Variants in LCORL observed in about 807,000 individuals in gnomAD.
LCORL encodes ligand-dependent nuclear receptor corepressor-like protein.
In LCORL, 41 loss-of-function variants were observed where a neutral mutation model predicts 141.8. That is an observed-to-expected ratio of 0.29 (90% CI 0.23 to 0.38). LCORL has a LOEUF of 0.38. Ranked by LOEUF, LCORL falls within the 10% of genes least tolerant of loss-of-function variation. LCORL has a pLI of 1.00. For synonymous variants in LCORL, 618 were observed against 694.1 expected (o/e 0.89, Z 1.72); for missense variants, 1,759 against 2,035.0 (o/e 0.86, Z 2.61).
chr4:17,896,636 G>A (rs1729968975), intron 5 of LCORL, among the ~76,000 whole-genome samples: 1 of 152,108 alleles, frequency 6.6e-6, no homozygotes, highest in Non-Finnish European at 1.5e-5. Flanking sequence ...GGGTACATGA[G>A]ACATTCTGAC....
chr4:17,973,847 A>G (rs554850374), intron 1 of LCORL, among the ~76,000 whole-genome samples: 3 of 152,172 alleles, frequency 2.0e-5, no homozygotes, highest in African/African-American at 7.2e-5. Flanking sequence ...CTGTCATAGT[A>G]AAAAACTAGC....
chr4:17,961,835 G>C, intron 4 of LCORL, 68 bp downstream of exon 4: 1 of 1,405,794 alleles, frequency 7.1e-7, no homozygotes, highest in Non-Finnish European at 9.7e-7. Flanking sequence ...AAAAACTTTT[G>C]TGTAAAAAAA....
Position 17,880,736 on chromosome 4 carries a change from T to C in LCORL, c.777-2523A>G, listed in dbSNP as rs1560282658. On this transcript the variant is annotated intron_variant, in intron 6 of 7. Coordinates refer to ENST00000635767, the Ensembl canonical transcript of LCORL. ...ACCTAGAAACACGTTAACTGAACAA[T>C]TAAAATTCATACAATCAGATTTAGA... is the stretch of plus-strand genomic sequence containing the variant. 12 of 968,804 alleles carry C rather than the reference T, an allele frequency of 1.2e-5. No homozygotes were observed. The South Asian group carries it at 4.8e-4, about 39-fold the overall frequency. 60.0% of individuals were successfully genotyped at this position (968,804 alleles called of 1,614,324 possible).
chr4:17,933,468 TAA>T (rs1190849838), intron 4 of LCORL, among the ~76,000 whole-genome samples: 5 of 152,094 alleles, frequency 3.3e-5, no homozygotes, highest in African/African-American at 7.2e-5. Context: ...CCTTTGAAAT[TAA>T]GTCTTTATTT....
chr4:17,884,746 T>G lies in LCORL; in HGVS notation c.776+1322A>C. 1 of 1,461,140 alleles carries G rather than the reference T, an allele frequency of 6.8e-7. No individual in the cohort carries two copies. Among genetic ancestry groups the G allele is most frequent in the Non-Finnish European group, 9.1e-7 (1 of 1,104,124 alleles). The allele number at this position is 1,461,140 out of a possible 1,614,324, so 90.5% of individuals were successfully genotyped here. A position where few individuals can be genotyped will look rare whatever the true frequency, so the allele number is the denominator to read the frequency against. Reference sequence around the variant, plus strand: ...CCACATAGTCCTCTCTGTTTCTGTGTAGTCTCCTGGATGGATGGAATGAAA... The same window carrying G: ...CCACATAGTCCTCTCTGTTTCTGTGGAGTCTCCTGGATGGATGGAATGAAA... On this transcript the variant is annotated intron_variant, in intron 6 of 7. Coordinates refer to ENST00000635767, the Ensembl canonical transcript of LCORL. This position sits in a 1 kb window ranked among gnomAD's most constrained non-coding sequence, Gnocchi z 4.4.
chr4:17,910,340 G>A (rs1732326831), intron 4 of LCORL, among the ~76,000 whole-genome samples: 1 of 152,122 alleles, frequency 6.6e-6, no homozygotes, highest in African/African-American at 2.4e-5. Context: ...TTAGATGTAA[G>A]GTGATTGGTA....
chr4:17,924,505 G>T (rs1734805920), intron 4 of LCORL, among the ~76,000 whole-genome samples: 1 of 152,158 alleles, frequency 6.6e-6, no homozygotes, highest in African/African-American at 2.4e-5. Context: ...CCAGCTACTT[G>T]GTGGAAGGTT....
intron 1 of LCORL, among the ~76,000 whole-genome samples, chr4:18,015,444 T>C (rs1724486201): frequency 6.6e-6 from 1 of 152,178 alleles, no homozygotes; most frequent in South Asian, 2.1e-4. Context: ...CTTCAAAATT[T>C]GCATGCAAAA....
At chr4:17,865,947 T>C (rs756707997) in intron 7 of LCORL, among the ~76,000 whole-genome samples, 10 of 152,206 alleles carry the variant, frequency 6.6e-5, no homozygotes, top group Admixed American at 6.5e-5. Flanking sequence ...GATTATGTCA[T>C]ATCTTCCCTG....
chr4:17,893,437 A>G (rs1157147219), intron 5 of LCORL: 1 of 984,872 alleles, frequency 1.0e-6, no homozygotes, highest in Non-Finnish European at 1.2e-6. Flanking sequence ...TGTCAAAAAT[A>G]TAAATTATGC....
At chr4:17,916,107 A>G (rs1436225285) in intron 4 of LCORL, among the ~76,000 whole-genome samples, 1 of 152,204 alleles carries the variant, frequency 6.6e-6, no homozygotes, top group Non-Finnish European at 1.5e-5. Context: ...GAAACTCACC[A>G]GATGATGGCA....
intron 5 of LCORL, among the ~76,000 whole-genome samples, chr4:17,895,180 T>G (rs1258208253): frequency 6.6e-6 from 1 of 152,092 alleles, no homozygotes; most frequent in Non-Finnish European, 1.5e-5. Flanking sequence ...GGTGACAACA[T>G]TCAAAATATT....
intron 4 of LCORL, among the ~76,000 whole-genome samples, chr4:17,949,101 T>C (rs1240152600): frequency 6.6e-6 from 1 of 152,024 alleles, no homozygotes. Flanking sequence ...AGGTAGAGAG[T>C]ACCATCATAA....
intron 6 of LCORL, chr4:17,881,977 G>A: frequency 4.1e-6 from 4 of 971,450 alleles, no homozygotes; most frequent in Non-Finnish European, 4.9e-6. Flanking sequence ...ATTTTCTTGG[G>A]GTGAAAAAAA....
At chr4:17,883,122 A>T (rs1727794880) in intron 6 of LCORL, 1 of 977,202 alleles carries the variant, frequency 1.0e-6, no homozygotes, top group Non-Finnish European at 1.2e-6. Flanking sequence ...CATATCCTTT[A>T]AGGTTTTCTT....
chr4:17,995,486 A>G (rs1180485061), intron 1 of LCORL, among the ~76,000 whole-genome samples: 1 of 152,216 alleles, frequency 6.6e-6, no homozygotes, highest in Non-Finnish European at 1.5e-5. Context: ...ACTCAGCATT[A>G]AAGAAACCGG....
At chr4:17,861,146 C>T (rs986054476) in intron 7 of LCORL, among the ~76,000 whole-genome samples, 1 of 152,210 alleles carries the variant, frequency 6.6e-6, no homozygotes, top group East Asian at 1.9e-4. Context: ...TGTGTGGGGG[C>T]TGTGACTCCA....
chr4:17,917,385 G>A (rs778969849), intron 4 of LCORL, among the ~76,000 whole-genome samples: 1 of 152,160 alleles, frequency 6.6e-6, no homozygotes, highest in Non-Finnish European at 1.5e-5. Context: ...TAGAGATGGG[G>A]TTTTGCCATG....
rs1728018267 is a variant in LCORL, at chr4:17,884,432, T to C, written c.776+1636A>G. The C allele has an allele frequency of 6.5e-7, 1 of 1,550,136 alleles. No homozygotes were observed. Among genetic ancestry groups the C allele is most frequent in the Non-Finnish European group, 8.7e-7 (1 of 1,146,176 alleles). On this transcript the variant is annotated intron_variant, in intron 6 of 7. Coordinates refer to ENST00000635767, the Ensembl canonical transcript of LCORL. This position sits in a 1 kb window ranked among gnomAD's most constrained non-coding sequence, Gnocchi z 4.4. ...TTTTATTTCTGAGGTTTCAAGTAGA[T>C]TGAGTTTACTTTTTTCTGTGCGCTC... is the stretch of plus-strand genomic sequence containing the variant.
Sources: gnomAD v4.1 joint callset for allele counts (sites outside exome capture counted in the v4.1 genomes callset) on GRCh38, gnomAD v4.1.1 for gene constraint, Gnocchi (gnomAD v3.1) non-coding constraint, MANE v1.5 for transcripts, NCBI Gene and HGNC (gene_info 2026-07-23, HGNC 2026-07-21) for gene names.